The following ALCAM variants were observed in gnomAD, a reference collection of about 807,000 sequenced individuals.
ALCAM encodes CD166 antigen.
Under a neutral mutation model 70.9 loss-of-function variants are expected in ALCAM, and 30 were observed. The ratio of observed to expected loss-of-function variants is 0.42; its 90% CI spans 0.32 to 0.57. The LOEUF (loss-of-function observed/expected upper bound fraction) is 0.57. Ranked by LOEUF, ALCAM falls within the 20% of genes least tolerant of loss-of-function variation. The pLI is 0.11. For missense variants in ALCAM, 591 were observed against 695.1 expected (o/e 0.85, Z 1.68); for synonymous variants, 249 against 242.5 (o/e 1.03, Z -0.25).
chr3:105,511,728 G>T (rs1225200942), intron 1 of ALCAM, among the ~76,000 whole-genome samples: 1 of 151,986 alleles, frequency 6.6e-6, no homozygotes. Flanking sequence ...AATGCTAATT[G>T]TGATTCATGT....
chr3:105,487,110 G>T (rs1284340684), intron 1 of ALCAM, among the ~76,000 whole-genome samples: 1 of 151,932 alleles, frequency 6.6e-6, no homozygotes, highest in Non-Finnish European at 1.5e-5. Context: ...AACCAGTTAA[G>T]ATGCAAGAGT....
intron 1 of ALCAM, among the ~76,000 whole-genome samples, chr3:105,430,391 AT>A (rs1263959938): frequency 6.6e-6 from 1 of 152,094 alleles, no homozygotes; most frequent in African/African-American, 2.4e-5. Context: ...GAAACTTTAC[AT>A]TTTTAAAAAT....
chr3:105,441,553 A>T (rs73181397), intron 1 of ALCAM, among the ~76,000 whole-genome samples: 15,642 of 152,210 alleles, frequency 0.1, 1,010 homozygotes, highest in Middle Eastern at 0.17. Flanking sequence ...ATCATCAGTA[A>T]TGTGTGAACT....
At chr3:105,495,789 TAAAAG>T (rs1320893211) in intron 1 of ALCAM, among the ~76,000 whole-genome samples, 1 of 152,142 alleles carries the variant, frequency 6.6e-6, no homozygotes, top group Non-Finnish European at 1.5e-5. Context: ...ACCTAAAAAG[TAAAAG>T]AAAAGTTAAG....
chr3:105,429,397 G>C (rs1337224107), intron 1 of ALCAM, among the ~76,000 whole-genome samples: 3 of 151,940 alleles, frequency 2.0e-5, no homozygotes, highest in African/African-American at 7.2e-5. Flanking sequence ...GATTTTTTAA[G>C]TCACAGGCAT....
chr3:105,441,260 T>G (rs772921899), intron 1 of ALCAM, among the ~76,000 whole-genome samples: 39 of 152,172 alleles, frequency 2.6e-4, no homozygotes, highest in Non-Finnish European at 5.1e-4. Flanking sequence ...GGTAATTGAT[T>G]CAGTTTTTCA....
intron 6 of ALCAM, 26 bp downstream of exon 6, chr3:105,534,871 CTATTTAATGTAT>C: frequency 6.4e-7 from 1 of 1,557,064 alleles, no homozygotes; most frequent in Non-Finnish European, 8.8e-7. Flanking sequence ...TATAATTATG[CTATTTAATGTAT>C]TAGAAATAAT....
intron 3 of ALCAM, chr3:105,524,965 A>G: frequency 1.0e-6 from 1 of 984,056 alleles, no homozygotes; most frequent in Non-Finnish European, 1.2e-6. Context: ...TTCAAACTAT[A>G]TTTTAACAGA....
rs1428785534 is a variant in ALCAM at position 105,575,096 on chromosome 3, G to A, written c.*645G>A. The A allele has an allele frequency of 6.6e-6, 1 of 152,530 alleles. No homozygotes were observed. Among genetic ancestry groups the A allele is most frequent in the Non-Finnish European group, 1.5e-5 (1 of 68,020 alleles). The allele number at this position is 152,530 out of a possible 1,614,324, so 9.4% of individuals were successfully genotyped here. A position where few individuals can be genotyped will look rare whatever the true frequency, so the allele number is the denominator to read the frequency against. On this transcript the variant is annotated 3_prime_UTR_variant, in exon 16 of 16. Coordinates refer to ENST00000306107, the MANE Select transcript of ALCAM (RefSeq NM_001627.4). Reference sequence around the variant, plus strand: ...AGCGAACTCTCAGAAATAAATCACAGATGCATATAGACACACATACATAAT... The same window carrying A: ...AGCGAACTCTCAGAAATAAATCACAAATGCATATAGACACACATACATAAT...
chr3:105,448,624 G>A (rs1937350965), intron 1 of ALCAM, among the ~76,000 whole-genome samples: 1 of 152,148 alleles, frequency 6.6e-6, no homozygotes, highest in South Asian at 2.1e-4. Context: ...TTAAATTTCT[G>A]TAAGAAAGTC....
At chr3:105,457,449 A>G (rs1015721506) in intron 1 of ALCAM, among the ~76,000 whole-genome samples, 1 of 152,120 alleles carries the variant, frequency 6.6e-6, no homozygotes, top group Non-Finnish European at 1.5e-5. Context: ...ACTAATGGGT[A>G]CTAGGCTTAA....
intron 4 of ALCAM, among the ~76,000 whole-genome samples, chr3:105,532,327 A>C (rs558685588): frequency 6.6e-6 from 1 of 152,192 alleles, no homozygotes; most frequent in Non-Finnish European, 1.5e-5. Context: ...GTTTAATAGA[A>C]GGATGAAGCC....
intron 14 of ALCAM, among the ~76,000 whole-genome samples, chr3:105,555,048 A>AAT (rs1940488319): frequency 6.6e-6 from 1 of 151,920 alleles, no homozygotes; most frequent in African/African-American, 2.4e-5. Context: ...CTATGAATAA[A>AAT]ATAAATTTGT....
In ALCAM at chr3:105,442,767, C is replaced by T. The variant is rs764630405; in HGVS notation, c.73+75286C>T. On this transcript the variant is annotated intron_variant, in intron 1 of 15. Transcript: ENST00000306107. ...CTGCACTCCAGTTTGGGTGACAGAG[C>T]GAGATTCCGTCTCAAAAAAAAAAAG... Among the ~76,000 whole-genome samples, 4 of 151,138 alleles carry T rather than the reference C, an allele frequency of 2.6e-5. No homozygotes were observed. The East Asian group carries it at 5.8e-4, about 22-fold the overall frequency.
chr3:105,387,970 A>G (rs986357832), intron 1 of ALCAM, among the ~76,000 whole-genome samples: 10 of 151,554 alleles, frequency 6.6e-5, no homozygotes, highest in Non-Finnish European at 1.0e-4. Context: ...ATCAGTATCC[A>G]TAATGAAGCA....
At chr3:105,564,316 G>T (rs1244281923) in intron 14 of ALCAM, among the ~76,000 whole-genome samples, 3 of 150,478 alleles carry the variant, frequency 2.0e-5, no homozygotes, top group Non-Finnish European at 4.5e-5. Flanking sequence ...TGCCATTGTT[G>T]TTATTTATCT....
chr3:105,494,792 TG>T (rs1255093294), intron 1 of ALCAM, among the ~76,000 whole-genome samples: 3 of 152,130 alleles, frequency 2.0e-5, no homozygotes, highest in Non-Finnish European at 2.9e-5. Flanking sequence ...CCTGACTAAC[TG>T]GGAACACAGG....
At chr3:105,470,111 G>A (rs1276773706) in intron 1 of ALCAM, among the ~76,000 whole-genome samples, 2 of 136,044 alleles carry the variant, frequency 1.5e-5, no homozygotes, top group Non-Finnish European at 3.2e-5. Context: ...ATATATGTGT[G>A]TGTATGATAT....
intron 1 of ALCAM, among the ~76,000 whole-genome samples, chr3:105,450,226 T>C (rs1937395061): frequency 6.6e-6 from 1 of 152,250 alleles, no homozygotes; most frequent in East Asian, 1.9e-4. Context: ...TTTCCTCATC[T>C]GTTTCATTTA....
Sources: allele counts gnomAD v4.1 joint callset (sites outside exome capture counted in the v4.1 genomes callset), GRCh38; gene constraint gnomAD v4.1.1; transcripts MANE v1.5; gene names NCBI Gene and HGNC (gene_info 2026-07-23, HGNC 2026-07-21).